The following FMN1 variants were observed in gnomAD, a reference collection of about 807,000 sequenced individuals.
FMN1 encodes formin-1.
FMN1 carries 110 observed loss-of-function variants against 132.4 expected under a neutral mutation model. That is an observed-to-expected ratio of 0.83 (90% CI 0.71 to 0.97). FMN1 has a LOEUF of 0.97. FMN1 is among the 50% of genes least tolerant of loss of function. The pLI is 0.00. For missense variants in FMN1, 1,792 were observed against 1,705.3 expected (o/e 1.05, Z -0.90); for synonymous variants, 722 against 651.7 (o/e 1.11, Z -1.64).
At chr15:32,979,047 A>G (rs995196017) in intron 7 of FMN1, among the ~76,000 whole-genome samples, 3 of 152,174 alleles carry the variant, frequency 2.0e-5, no homozygotes, top group Non-Finnish European at 4.4e-5. Context: ...TAGTTCCCGC[A>G]ACTTTACAAA....
At chr15:33,107,772 T>C (rs1418005975) in intron 4 of FMN1, among the ~76,000 whole-genome samples, 1 of 152,074 alleles carries the variant, frequency 6.6e-6, no homozygotes, top group Non-Finnish European at 1.5e-5. Flanking sequence ...AATGAATGAG[T>C]CTCAAAATCA....
chr15:33,032,344 A>G (rs1324039755), intron 6 of FMN1, among the ~76,000 whole-genome samples: 2 of 152,226 alleles, frequency 1.3e-5, no homozygotes, highest in East Asian at 3.8e-4. Flanking sequence ...TTACAATGTT[A>G]TTTCAATAGC....
chr15:33,117,411 G>T (rs1391880655), intron 4 of FMN1, among the ~76,000 whole-genome samples: 1 of 152,084 alleles, frequency 6.6e-6, no homozygotes. Context: ...AATACACAGG[G>T]GCTGAGAGAT....
intron 19 of FMN1, among the ~76,000 whole-genome samples, chr15:32,783,387 A>G (rs1263278946): frequency 1.3e-5 from 2 of 152,258 alleles, no homozygotes; most frequent in East Asian, 3.9e-4. Context: ...GGAAAGACAC[A>G]AGTGTAAGAT....
intron 6 of FMN1, among the ~76,000 whole-genome samples, chr15:33,052,257 T>C (rs1022314042): frequency 1.3e-5 from 2 of 152,192 alleles, no homozygotes; most frequent in Admixed American, 1.3e-4. Flanking sequence ...CTGAAAATAC[T>C]TGATTTAAAA....
chr15:33,040,384 C>T (rs943109273), intron 6 of FMN1, among the ~76,000 whole-genome samples: 2 of 152,196 alleles, frequency 1.3e-5, no homozygotes, highest in Non-Finnish European at 2.9e-5. Context: ...CAACCCTACT[C>T]TCTGTCACCT....
chr15:33,096,641 C>G (rs1351375251), intron 4 of FMN1, among the ~76,000 whole-genome samples: 1 of 151,698 alleles, frequency 6.6e-6, no homozygotes, highest in Non-Finnish European at 1.5e-5. Flanking sequence ...ACTATATCAT[C>G]TAGGCTGGAG....
intron 19 of FMN1, among the ~76,000 whole-genome samples, chr15:32,795,600 T>A: frequency 7.1e-6 from 1 of 140,814 alleles, no homozygotes; most frequent in African/African-American, 2.9e-5. Flanking sequence ...GGTGGGGGGG[T>A]GGCAGGGTGA....
At chr15:32,954,086 A>T (rs1355093102) in intron 9 of FMN1, among the ~76,000 whole-genome samples, 4 of 152,190 alleles carry the variant, frequency 2.6e-5, no homozygotes, top group Non-Finnish European at 5.9e-5. Context: ...CAACTACAAC[A>T]ACTAATAGTT....
chr15:32,984,397 G>A (rs1033191680), intron 7 of FMN1, among the ~76,000 whole-genome samples: 4 of 152,114 alleles, frequency 2.6e-5, no homozygotes, highest in Non-Finnish European at 4.4e-5. Flanking sequence ...GGGTCTCCAA[G>A]ACAGATAAGG....
chr15:32,892,213 A>G (rs2060048507), intron 15 of FMN1, among the ~76,000 whole-genome samples: 1 of 152,172 alleles, frequency 6.6e-6, no homozygotes, highest in African/African-American at 2.4e-5. Context: ...GGCTTTTATT[A>G]CATTGAGATA....
intron 6 of FMN1, chr15:33,011,982 A>C: frequency 4.4e-6 from 1 of 227,078 alleles, no homozygotes; most frequent in Non-Finnish European, 8.7e-6. Context: ...GATATTTTCT[A>C]ATAAAGTTAA....
chr15:33,106,774 C>T (rs1335876987), intron 4 of FMN1, among the ~76,000 whole-genome samples: 1 of 152,046 alleles, frequency 6.6e-6, no homozygotes, highest in Non-Finnish European at 1.5e-5. Context: ...TTAATAGTAG[C>T]ATCCCCTCCC....
chr15:32,975,560 T>C (rs911592927), intron 7 of FMN1, among the ~76,000 whole-genome samples: 2 of 152,200 alleles, frequency 1.3e-5, no homozygotes, highest in African/African-American at 4.8e-5. Context: ...AGAGCAGACA[T>C]ACTAAACACT....
intron 6 of FMN1, among the ~76,000 whole-genome samples, chr15:33,032,036 G>T (rs972192454): frequency 2.0e-5 from 3 of 152,156 alleles, no homozygotes; most frequent in Non-Finnish European, 4.4e-5. Flanking sequence ...AATTACTACT[G>T]CTAGAACTGT....
At chr15:33,179,448 A>T (rs1202346163) in intron 3 of FMN1, among the ~76,000 whole-genome samples, 1 of 152,212 alleles carries the variant, frequency 6.6e-6, no homozygotes, top group African/African-American at 2.4e-5. Context: ...TTTATGACTC[A>T]ATCTGGGGGT....
intron 6 of FMN1, chr15:33,012,817 G>A (rs897788665): frequency 6.1e-6 from 4 of 654,846 alleles, no homozygotes; most frequent in African/African-American, 3.6e-5. Context: ...CTGTGGTGGT[G>A]GAGGATATGG....
intron 4 of FMN1, among the ~76,000 whole-genome samples, chr15:33,114,343 G>A (rs941046029): frequency 6.6e-6 from 1 of 152,210 alleles, no homozygotes; most frequent in Non-Finnish European, 1.5e-5. Context: ...GACATAAGAA[G>A]AAATAATTGG....
intron 17 of FMN1, among the ~76,000 whole-genome samples, chr15:32,839,097 A>G (rs1322994001): frequency 3.9e-5 from 6 of 152,106 alleles, no homozygotes; most frequent in Admixed American, 3.9e-4. Context: ...ACAGAGGAGG[A>G]CTAGGAAGAA....
Sources: gnomAD v4.1 joint callset for allele counts (sites outside exome capture counted in the v4.1 genomes callset) on GRCh38, gnomAD v4.1.1 for gene constraint, MANE v1.5 for transcripts, NCBI Gene and HGNC (gene_info 2026-07-23, HGNC 2026-07-21) for gene names.